FRMD4B: variants seen among roughly 807,000 people sequenced by gnomAD.
FRMD4B encodes FERM domain-containing protein 4B.
A neutral mutation model predicts 141.5 loss-of-function variants in FRMD4B; 74 were observed. That is an observed-to-expected ratio of 0.52 (90% CI 0.43 to 0.63). The LOEUF (loss-of-function observed/expected upper bound fraction) is 0.63. Ranked by LOEUF, FRMD4B falls within the 30% of genes least tolerant of loss-of-function variation. The pLI is 0.00. For missense variants in FRMD4B, 1,366 were observed against 1,253.4 expected (o/e 1.09, Z -1.36); for synonymous variants, 506 against 467.9 (o/e 1.08, Z -1.05).
intron 1 of FRMD4B, among the ~76,000 whole-genome samples, chr3:69,380,559 T>C (rs1421626889): frequency 6.6e-6 from 1 of 152,208 alleles, no homozygotes; most frequent in Admixed American, 6.5e-5. Context: ...GCTGCTTCTG[T>C]TCCCCCACTC....
intron 2 of FRMD4B, among the ~76,000 whole-genome samples, chr3:69,412,373 G>A (rs1277307108): frequency 1.3e-5 from 2 of 152,190 alleles, no homozygotes; most frequent in African/African-American, 2.4e-5. Context: ...ACTATGTGGT[G>A]GACTGGTCAA....
At chr3:69,441,410 G>A (rs368016173) in intron 1 of FRMD4B, among the ~76,000 whole-genome samples, 55 of 152,160 alleles carry the variant, frequency 3.6e-4, no homozygotes, top group South Asian at 8.3e-4. Flanking sequence ...CATATGGCTA[G>A]TTTCTTCCTG....
chr3:69,485,375 C>T (rs1406272105), intron 1 of FRMD4B, among the ~76,000 whole-genome samples: 2 of 152,220 alleles, frequency 1.3e-5, no homozygotes, highest in African/African-American at 2.4e-5. Context: ...GCTTGCACAG[C>T]TGGAGCTGCA....
Position 69,454,210 on chromosome 3 carries a change from T to C in FRMD4B, c.-128-21449A>G, listed in dbSNP as rs143231408. ...ATCAAAGGAACTCCTGTCCCATGTG[T>C]AGAAGGAGATACTCACTCCCTGACT... is the stretch of plus-strand genomic sequence containing the variant. On this transcript the variant is annotated intron_variant, in intron 1 of 5. Coordinates refer to the FRMD4B transcript ENST00000459638. Among the ~76,000 whole-genome samples the C allele has an allele frequency of 5.9e-5, 9 of 152,310 alleles. No homozygotes were observed. The East Asian group carries it at 1.5e-3, about 26-fold the overall frequency.
chr3:69,530,174 A>G (rs1700991274), intron 1 of FRMD4B, among the ~76,000 whole-genome samples: 1 of 152,234 alleles, frequency 6.6e-6, no homozygotes, highest in Admixed American at 6.5e-5. Context: ...AGGGCCCACA[A>G]AGCCTATTTT....
At chr3:69,518,712 G>A (rs559902270) in intron 1 of FRMD4B, among the ~76,000 whole-genome samples, 1 of 152,152 alleles carries the variant, frequency 6.6e-6, no homozygotes, top group Non-Finnish European at 1.5e-5. Context: ...GGATTTTGAA[G>A]GTGAGCCAGT....
intron 4 of FRMD4B, 62 bp downstream of exon 4, chr3:69,302,281 C>T (rs958127417): frequency 8.5e-5 from 75 of 880,906 alleles, no homozygotes; most frequent in Admixed American, 3.9e-4. Flanking sequence ...AAAGAAAACA[C>T]ACAAAAACCC....
intron 2 of FRMD4B, among the ~76,000 whole-genome samples, chr3:69,391,993 G>A (rs372880614): frequency 2.0e-5 from 3 of 152,282 alleles, no homozygotes; most frequent in Non-Finnish European, 4.4e-5. Context: ...ATTCATATTT[G>A]TTTCCCCAGT....
At chr3:69,489,265 A>G (rs1009789433) in intron 1 of FRMD4B, among the ~76,000 whole-genome samples, 20 of 149,686 alleles carry the variant, frequency 1.3e-4, no homozygotes, top group African/African-American at 3.9e-4. Flanking sequence ...AATGAGATAT[A>G]TGTATATAAA....
chr3:69,233,538 T>G (rs1454556402), intron 7 of FRMD4B, among the ~76,000 whole-genome samples: 2 of 151,116 alleles, frequency 1.3e-5, no homozygotes, highest in African/African-American at 4.9e-5. Context: ...CACCTACACA[T>G]AATTGTAACT....
intron 1 of FRMD4B, among the ~76,000 whole-genome samples, chr3:69,336,196 C>T (rs9882259): frequency 0.17 from 25,899 of 151,994 alleles, 2,453 homozygotes; most frequent in African/African-American, 0.25. Context: ...AGGGAGAGAA[C>T]AAGAGACAAG....
At position 69,219,600 on chromosome 3, in the gene FRMD4B, G is replaced by T. The variant is rs142338222; in HGVS notation, c.732-1221C>A. On this transcript the variant is annotated intron_variant, in intron 9 of 22. Coordinates refer to ENST00000398540, the MANE Select transcript of FRMD4B (RefSeq NM_015123.3). ...AGAAAGAATAAGACTCTGCATTTAAGCATGGGTACTTTTTTTTTTTTAATT... is the reference window on the plus strand; with the variant it reads ...AGAAAGAATAAGACTCTGCATTTAATCATGGGTACTTTTTTTTTTTTAATT... 8.9e-4 allele frequency among the ~76,000 whole-genome samples: 135 copies of T among 151,960 alleles called. No individual in the cohort carries two copies. In the East Asian group the frequency reaches 0.016, roughly 19 times the overall value.
rs180924775 is a variant in FRMD4B, at chr3:69,184,142, C to T, written c.1920-1425G>A. On this transcript the variant is annotated intron_variant, in intron 19 of 22. Transcript: ENST00000398540. ...GGCCAGGCTGTTTTCGAACTCCTGA[C>T]GTCAAGTAATCTGCCTGCCTCAGCC... 2.4e-4 allele frequency among the ~76,000 whole-genome samples: 37 copies of T among 151,236 alleles called. No homozygotes were observed. The East Asian group carries it at 6.3e-3, about 26-fold the overall frequency.
At chr3:69,524,546 T>A (rs1048794554) in intron 1 of FRMD4B, among the ~76,000 whole-genome samples, 1 of 152,160 alleles carries the variant, frequency 6.6e-6, no homozygotes, top group Non-Finnish European at 1.5e-5. Flanking sequence ...CAAGTCCAAA[T>A]AGAAAACAGT....
At chr3:69,175,470 C>A (rs899242869) in intron 22 of FRMD4B, among the ~76,000 whole-genome samples, 6 of 152,166 alleles carry the variant, frequency 3.9e-5, no homozygotes, top group African/African-American at 1.2e-4. Context: ...CTTTTACAGA[C>A]AAACAGGACA....
At chr3:69,260,479 C>T (rs573684856) in intron 5 of FRMD4B, among the ~76,000 whole-genome samples, 5 of 152,332 alleles carry the variant, frequency 3.3e-5, no homozygotes, top group South Asian at 4.1e-4. Flanking sequence ...GCGTCGCGCT[C>T]GAATTCTAGC....
upstream of FRMD4B, among the ~76,000 whole-genome samples, chr3:69,387,640 C>T (rs999031297): frequency 6.6e-6 from 1 of 152,150 alleles, no homozygotes; most frequent in African/African-American, 2.4e-5. Flanking sequence ...AACAGATTAT[C>T]GACAAGTAAA....
intron 2 of FRMD4B, among the ~76,000 whole-genome samples, chr3:69,410,668 T>G (rs1704738213): frequency 6.9e-6 from 1 of 144,210 alleles, no homozygotes; most frequent in African/African-American, 2.5e-5. Flanking sequence ...ATAAAAGTAA[T>G]GCCTGAAAGG....
chr3:69,385,982 G>C lies in FRMD4B; in HGVS notation c.8C>G (p.Ser3Trp). Reference protein sequence around the residue: MASVFMCGVEDLL... With the variant: MAWVFMCGVEDLL... ...GTCCTCCACGCCACACATGAACACCGAAGCCATGCCTCCTCCTTCGCTCTG... is the reference window on the plus strand; with the variant it reads ...GTCCTCCACGCCACACATGAACACCCAAGCCATGCCTCCTCCTTCGCTCTG... The change falls in exon 1 of 23, where the codon TCG becomes TGG. Residue 3 changes from serine to tryptophan, a missense_variant. By Grantham distance (177) the Ser-to-Trp change is radical. Coordinates refer to ENST00000398540, the MANE Select transcript of FRMD4B (RefSeq NM_015123.3). The C allele has an allele frequency of 6.3e-7, 1 of 1,591,688 alleles. No homozygotes were observed. Among genetic ancestry groups the C allele is most frequent in the Non-Finnish European group, 8.6e-7 (1 of 1,167,852 alleles).
Sources: allele counts gnomAD v4.1 joint callset (sites outside exome capture counted in the v4.1 genomes callset), GRCh38; gene constraint gnomAD v4.1.1; transcripts MANE v1.5; gene names NCBI Gene and HGNC (gene_info 2026-07-23, HGNC 2026-07-21).